GFRA2: variants seen among roughly 807,000 people sequenced by gnomAD.
GFRA2 encodes the protein GDNF family receptor alpha-2.
GFRA2 carries 17 observed loss-of-function variants against 48.3 expected under a neutral mutation model. The ratio of observed to expected loss-of-function variants is 0.35; its 90% CI spans 0.24 to 0.53. The LOEUF (loss-of-function observed/expected upper bound fraction) is 0.53. GFRA2 is among the 20% of genes least tolerant of loss of function. The probability of loss-of-function intolerance (pLI) is 0.93; values close to 1 mark genes in which losing one functional copy is unlikely to be tolerated. For synonymous variants in GFRA2, 305 were observed against 257.2 expected (o/e 1.19, Z -1.78); for missense variants, 660 against 637.3 (o/e 1.04, Z -0.38).
At chr8:21,753,876 C>T (rs1178862707) in intron 3 of GFRA2, among the ~76,000 whole-genome samples, 7 of 152,348 alleles carry the variant, frequency 4.6e-5, no homozygotes, top group African/African-American at 1.7e-4. Context: ...TCATTTCCCT[C>T]CATTCCAGCC....
At chr8:21,794,269 G>C (rs1159013620) in intron 2 of GFRA2, among the ~76,000 whole-genome samples, 4 of 113,364 alleles carry the variant, frequency 3.5e-5, no homozygotes, top group Non-Finnish European at 3.3e-5. Context: ...TTGAAACGGA[G>C]TCTCACTCTG....
intron 1 of GFRA2, among the ~76,000 whole-genome samples, chr8:21,809,028 AT>A (rs1442013444): frequency 3.8e-4 from 58 of 152,212 alleles, no homozygotes; most frequent in African/African-American, 1.3e-3. Flanking sequence ...ACACTATCTC[AT>A]TTCCTCCTTG....
intron 3 of GFRA2, chr8:21,769,163 C>A: frequency 1.0e-6 from 1 of 984,700 alleles, no homozygotes; most frequent in Non-Finnish European, 1.2e-6. Flanking sequence ...TCTCTTACAG[C>A]AGTGGTTGAC....
rs1200933787 is a variant in GFRA2 at position 21,712,327 on chromosome 8, C to T, written c.795-6286G>A. On this transcript the variant is annotated intron_variant, in intron 4 of 8. Coordinates refer to ENST00000524240, the MANE Select transcript of GFRA2 (RefSeq NM_001495.5). ...GCAGAGATGCTCCTCACCTCCCAGA[C>T]GGGGTCGCGGCCGGGCAGAGGCGCT... 2.0e-5 allele frequency among the ~76,000 whole-genome samples: 3 copies of T among 150,988 alleles called. No individual in the cohort carries two copies. In the South Asian group the frequency reaches 6.3e-4, roughly 32 times the overall value.
At chr8:21,786,636 C>T (rs1468177332) in intron 1 of GFRA2, among the ~76,000 whole-genome samples, 5 of 152,132 alleles carry the variant, frequency 3.3e-5, no homozygotes, top group Non-Finnish European at 7.4e-5. Flanking sequence ...AGAGAAGCTG[C>T]CTCTGGCTGA....
At chr8:21,708,970 T>G (rs1192435176) in intron 4 of GFRA2, among the ~76,000 whole-genome samples, 1 of 152,188 alleles carries the variant, frequency 6.6e-6, no homozygotes, top group Non-Finnish European at 1.5e-5. Context: ...ACTGTTTGCT[T>G]TGGCCAAATG....
chr8:21,760,179 T>C (rs751171433), intron 3 of GFRA2, among the ~76,000 whole-genome samples: 1 of 152,142 alleles, frequency 6.6e-6, no homozygotes, highest in African/African-American at 2.4e-5. Flanking sequence ...GGGGAGACCT[T>C]GCGGGGCAGG....
intron 2 of GFRA2, among the ~76,000 whole-genome samples, chr8:21,778,114 C>A (rs1036557793): frequency 3.7e-4 from 56 of 152,196 alleles, no homozygotes; most frequent in Non-Finnish European, 6.3e-4. Flanking sequence ...GGCTGAGAAT[C>A]GGAAGGAAAA....
rs1365071513 is a variant in GFRA2, at chr8:21,750,126, G to A, written c.794+462C>T. On this transcript the variant is annotated intron_variant, in intron 4 of 8. Coordinates refer to ENST00000524240, the MANE Select transcript of GFRA2 (RefSeq NM_001495.5). This position sits in a 1 kb window ranked among gnomAD's most constrained non-coding sequence, Gnocchi z 5.7. Reference sequence around the variant, plus strand: ...ACACACACACGCACATATATAGGTAGAGACTGAGTTTTGCTATGTTGCCCA... The same window carrying A: ...ACACACACACGCACATATATAGGTAAAGACTGAGTTTTGCTATGTTGCCCA... Among the ~76,000 whole-genome samples the A allele has an allele frequency of 7.3e-6, 1 of 136,466 alleles. No homozygotes were observed. Among genetic ancestry groups the A allele is most frequent in the East Asian group, 2.0e-4 (1 of 4,922 alleles). 89.5% of individuals were successfully genotyped at this position (136,466 alleles called of 152,430 possible). A position where few individuals can be genotyped will look rare whatever the true frequency, so the allele number is the denominator to read the frequency against.
intron 1 of GFRA2, among the ~76,000 whole-genome samples, chr8:21,808,476 T>C (rs1221551825): frequency 2.0e-5 from 3 of 152,248 alleles, no homozygotes; most frequent in Non-Finnish European, 1.5e-5. Context: ...ATTAGTCAAC[T>C]TTCCAAAGTC....
chr8:21,733,320 C>A (rs1419528917), intron 4 of GFRA2, among the ~76,000 whole-genome samples: 1 of 152,162 alleles, frequency 6.6e-6, no homozygotes, highest in African/African-American at 2.4e-5. Context: ...CAGACACCTA[C>A]CCCACACCCA....
At chr8:21,695,211 G>A (rs1175837100) in intron 7 of GFRA2, among the ~76,000 whole-genome samples, 1 of 152,180 alleles carries the variant, frequency 6.6e-6, no homozygotes, top group Non-Finnish European at 1.5e-5. Context: ...CTACCCTGGT[G>A]TGGCCACCTG....
intron 7 of GFRA2, among the ~76,000 whole-genome samples, chr8:21,702,007 A>G (rs1011596334): frequency 6.6e-6 from 1 of 152,180 alleles, no homozygotes; most frequent in Non-Finnish European, 1.5e-5. Context: ...TGAAGGGTGC[A>G]TGCAGGAGGC....
At chr8:21,718,456 G>A (rs565097276) in intron 4 of GFRA2, among the ~76,000 whole-genome samples, 21 of 152,276 alleles carry the variant, frequency 1.4e-4, no homozygotes, top group Non-Finnish European at 2.6e-4. Context: ...GTCCTTACAA[G>A]GATTAAATGA....
At chr8:21,752,395 C>T (rs953801474) in intron 3 of GFRA2, among the ~76,000 whole-genome samples, 2 of 152,140 alleles carry the variant, frequency 1.3e-5, no homozygotes, top group South Asian at 2.1e-4. Flanking sequence ...AGCCCATCAG[C>T]AGCACTGGAC....
chr8:21,767,166 C>T (rs1806206838), intron 3 of GFRA2, among the ~76,000 whole-genome samples: 1 of 149,990 alleles, frequency 6.7e-6, no homozygotes, highest in African/African-American at 2.5e-5. Flanking sequence ...CATATACACA[C>T]ACCACCACAA....
chr8:21,715,668 A>G (rs188825301), intron 4 of GFRA2, among the ~76,000 whole-genome samples: 1 of 152,300 alleles, frequency 6.6e-6, no homozygotes, highest in African/African-American at 2.4e-5. Context: ...TCCTGGCCAC[A>G]CTGGCCTAGA....
intron 7 of GFRA2, among the ~76,000 whole-genome samples, chr8:21,698,839 T>C (rs1183989858): frequency 6.6e-6 from 1 of 150,712 alleles, no homozygotes; most frequent in Admixed American, 6.6e-5. Context: ...TGTGCTGTCC[T>C]GACTCTGTGC....
intron 4 of GFRA2, among the ~76,000 whole-genome samples, chr8:21,711,403 C>A (rs79100210): frequency 6.6e-6 from 1 of 152,110 alleles, no homozygotes. Context: ...CGGCTGAGAC[C>A]AAGCTAAGTC....
Sources: allele counts gnomAD v4.1 joint callset (sites outside exome capture counted in the v4.1 genomes callset), GRCh38; gene constraint gnomAD v4.1.1; non-coding constraint Gnocchi (gnomAD v3.1); transcripts MANE v1.5; gene names NCBI Gene and HGNC (gene_info 2026-07-23, HGNC 2026-07-21).